Variants in ATP1B4 observed in about 807,000 individuals in gnomAD.
The protein encoded by ATP1B4 is ATPase Na+/K+ transporting family member beta 4.
A neutral mutation model predicts 29.6 loss-of-function variants in ATP1B4; 32 were observed. That is an observed-to-expected ratio of 1.08 (90% CI 0.82 to 1.45). The LOEUF (loss-of-function observed/expected upper bound fraction) is 1.45, where lower values mean the gene tolerates loss of function less well. Among genes scored for constraint, ATP1B4 ranks in the 40% most tolerant of loss-of-function variants. ATP1B4 has a pLI of 0.00. For synonymous variants in ATP1B4, 127 were observed against 102.1 expected (o/e 1.24, Z -1.47); for missense variants, 323 against 276.2 (o/e 1.17, Z -1.20).
chrX:120,370,020 T>C (rs1490060194), intron 2 of ATP1B4, among the ~76,000 whole-genome samples: 1 of 111,767 alleles, frequency 8.9e-6, no homozygotes, highest in African/African-American at 3.3e-5. Flanking sequence ...ATCCCCATCT[T>C]ACCTGTGAGG....
intron 1 of ATP1B4, among the ~76,000 whole-genome samples, chrX:120,363,282 T>C (rs764734002): frequency 1.8e-5 from 2 of 112,472 alleles, no homozygotes; most frequent in Non-Finnish European, 3.8e-5. Context: ...CTTAGCTTTT[T>C]AGCCACAATT....
intron 4 of ATP1B4, among the ~76,000 whole-genome samples, chrX:120,374,683 ACCCT>A: frequency 1.8e-5 from 1 of 55,092 alleles, no homozygotes; most frequent in Non-Finnish European, 3.4e-5. Context: ...TATATTATAT[ACCCT>A]TATATATAAT....
chrX:120,377,051 G>C (rs2058360109), intron 6 of ATP1B4, among the ~76,000 whole-genome samples: 1 of 112,228 alleles, frequency 8.9e-6, no homozygotes, highest in African/African-American at 3.2e-5. Flanking sequence ...TAAACAGGCA[G>C]TAGCTTTCTC....
chrX:120,369,057 C>T (rs1250702422), intron 2 of ATP1B4, among the ~76,000 whole-genome samples: 2 of 111,879 alleles, frequency 1.8e-5, no homozygotes, highest in Non-Finnish European at 3.8e-5. Context: ...CCTGGTCACA[C>T]ATCCTGGGAA....
At position 120,379,647 on chromosome X, in the gene ATP1B4, G is replaced by A. The variant is rs773706678; in HGVS notation, c.*13G>A. The stretch of plus-strand genomic sequence containing the variant: ...CATAGAAACTTAAGAACTTCAGGGG[G>A]CCATTCTTACCAGTTCTGTTTCTGT... On this transcript the variant is annotated 3_prime_UTR_variant, in exon 8 of 8. Coordinates refer to ENST00000218008, the MANE Select transcript of ATP1B4 (RefSeq NM_001142447.3). 1.0e-5 allele frequency: 12 copies of A among 1,191,732 alleles called. No homozygotes were observed. Among genetic ancestry groups the A allele is most frequent in the Non-Finnish European group, 1.4e-5 (12 of 887,003 alleles).
Position 120,379,782 on chromosome X carries a change from A to G in ATP1B4, c.*148A>G. 1.8e-6 allele frequency: 1 copy of G among 552,067 alleles called. No homozygotes were observed. The highest frequency in any genetic ancestry group is 2.7e-6 in the Non-Finnish European group (1 of 369,827). 45.5% of individuals were successfully genotyped at this position (552,067 alleles called of 1,213,427 possible). On this transcript the variant is annotated 3_prime_UTR_variant, in exon 8 of 8. Transcript: ENST00000218008. ...ATCTTTCCTTGCCTATGACATGTGTATAAAATGACATTGTGGGAGCTGTTC... is the reference window on the plus strand; with the variant it reads ...ATCTTTCCTTGCCTATGACATGTGTGTAAAATGACATTGTGGGAGCTGTTC...
chrX:120,374,763 T>TA (rs2058339548), intron 4 of ATP1B4, among the ~76,000 whole-genome samples: 1 of 12,694 alleles, frequency 7.9e-5, no homozygotes, highest in Non-Finnish European at 1.6e-4. Context: ...ATATATATAT[T>TA]ATATATATAT....
intron 2 of ATP1B4, among the ~76,000 whole-genome samples, chrX:120,367,322 A>C (rs1049992354): frequency 4.5e-5 from 5 of 112,220 alleles, no homozygotes; most frequent in African/African-American, 1.6e-4. Context: ...AGGCCCCATC[A>C]CCTGGTAATG....
intron 4 of ATP1B4, among the ~76,000 whole-genome samples, chrX:120,374,608 TATATATATACCCTTATATATAATATA>T (rs2058333162): frequency 1.1e-4 from 2 of 18,478 alleles, no homozygotes; most frequent in African/African-American, 3.2e-4. Flanking sequence ...TTATATATAA[TATATATATACCCTTATATATAATATA>T]ATATTATATT....
At chrX:120,376,464 T>C (rs1369767016) in intron 6 of ATP1B4, 28 bp downstream of exon 6, 3 of 1,161,649 alleles carry the variant, frequency 2.6e-6, no homozygotes, top group Non-Finnish European at 3.5e-6. Flanking sequence ...GTAAGCATTG[T>C]TAGCACATCT....
rs757699293 is a variant in ATP1B4, at chrX:120,370,603, A to G, written c.329-112A>G. 75 of 955,264 alleles carry G rather than the reference A, an allele frequency of 7.9e-5. No individual in the cohort carries two copies. The African/African-American group carries it at 1.4e-3, about 18-fold the overall frequency. The allele number at this position is 955,264 out of a possible 1,213,427, so 78.7% of individuals were successfully genotyped here. On this transcript the variant is annotated intron_variant, in intron 2 of 7. Coordinates refer to ENST00000218008, the MANE Select transcript of ATP1B4 (RefSeq NM_001142447.3). ...AAGCAAGGACATACTGAATCTGAGG[A>G]ATTTTTTAAAGAGCTATTTCGTGGT...
intron 1 of ATP1B4, among the ~76,000 whole-genome samples, chrX:120,364,453 T>C (rs1226208390): frequency 9.0e-6 from 1 of 111,195 alleles, no homozygotes; most frequent in Non-Finnish European, 1.9e-5. Flanking sequence ...ATCACTGATA[T>C]TTGGTTAGGA....
In ATP1B4 at chrX:120,376,448, T is replaced by C. The variant is rs753180573; in HGVS notation, c.816+12T>C. ...CCTGCAAAGTTCAGGTAAAGAGTCC[T>C]TTTGAGTAAGCATTGTTAGCACATC... On this transcript the variant is annotated intron_variant, in intron 6 of 7. Coordinates refer to ENST00000218008, the MANE Select transcript of ATP1B4 (RefSeq NM_001142447.3). The C allele has an allele frequency of 1.7e-6, 2 of 1,199,647 alleles. No homozygotes were observed. The highest frequency in any genetic ancestry group is 2.3e-6 in the Non-Finnish European group (2 of 884,716).
intron 4 of ATP1B4, among the ~76,000 whole-genome samples, chrX:120,374,437 A>G (rs1338246697): frequency 9.9e-6 from 1 of 101,011 alleles, no homozygotes; most frequent in Non-Finnish European, 2.0e-5. Context: ...TTAACCCAGG[A>G]TATACCATAT....
chrX:120,372,081 C>T (rs1020641762), intron 4 of ATP1B4, among the ~76,000 whole-genome samples: 1 of 112,455 alleles, frequency 8.9e-6, no homozygotes, highest in African/African-American at 3.2e-5. Context: ...TCTATAGTGT[C>T]ATCAGATAAG....
At position 120,379,807 on chromosome X, in the gene ATP1B4, C is replaced by T. The variant is rs759411654; in HGVS notation, c.*173C>T. 31 of 443,564 alleles carry T rather than the reference C, an allele frequency of 7.0e-5. No individual in the cohort carries two copies. The South Asian group carries it at 1.4e-3, about 20-fold the overall frequency. 36.6% of individuals were successfully genotyped at this position (443,564 alleles called of 1,213,427 possible). On this transcript the variant is annotated 3_prime_UTR_variant, in exon 8 of 8. Coordinates refer to ENST00000218008, the MANE Select transcript of ATP1B4 (RefSeq NM_001142447.3). ...ATAAAATGACATTGTGGGAGCTGTT[C>T]GATTTTTTAAAGGTAGTGTCTCCTG...
chrX:120,375,332 C>G (rs772226573), intron 4 of ATP1B4, 40 bp from the exon 5 acceptor site: 2 of 1,137,425 alleles, frequency 1.8e-6, no homozygotes, highest in Non-Finnish European at 2.4e-6. Flanking sequence ...CCCTGTAGCA[C>G]CTGTCTAACA....
intron 4 of ATP1B4, among the ~76,000 whole-genome samples, chrX:120,373,686 A>G (rs2058325434): frequency 8.9e-6 from 1 of 112,259 alleles, no homozygotes; most frequent in Middle Eastern, 4.2e-3. Flanking sequence ...TCTCCCTGAT[A>G]TATGTATCCT....
chrX:120,364,872 A>C (rs2058277646), intron 1 of ATP1B4, among the ~76,000 whole-genome samples: 2 of 111,249 alleles, frequency 1.8e-5, no homozygotes, highest in Admixed American at 1.9e-4. Context: ...GCATGCCACC[A>C]TGCCTGGTTA....
Sources: gnomAD v4.1 joint callset for allele counts (sites outside exome capture counted in the v4.1 genomes callset) on GRCh38, gnomAD v4.1.1 for gene constraint, MANE v1.5 for transcripts, NCBI Gene and HGNC (gene_info 2026-07-23, HGNC 2026-07-21) for gene names.